The following WDR59 variants were observed in gnomAD, a reference collection of about 807,000 sequenced individuals.
WDR59 encodes the protein GATOR2 complex protein WDR59.
A neutral mutation model predicts 131.2 loss-of-function variants in WDR59; 100 were observed. That is an observed-to-expected ratio of 0.76 (90% CI 0.65 to 0.90). WDR59 has a LOEUF of 0.90. Among genes scored for constraint, WDR59 ranks in the 40% least tolerant of loss-of-function variants. The probability of loss-of-function intolerance (pLI) is 0.00; values close to 1 mark genes in which losing one functional copy is unlikely to be tolerated. For synonymous variants in WDR59, 601 were observed against 466.2 expected (o/e 1.29, Z -3.72); for missense variants, 1,203 against 1,262.2 (o/e 0.95, Z 0.71).
chr16:74,897,477 G>A (rs1965352529), intron 18 of WDR59, among the ~76,000 whole-genome samples: 2 of 152,246 alleles, frequency 1.3e-5, no homozygotes, highest in Non-Finnish European at 2.9e-5. Flanking sequence ...AATATAGACA[G>A]TGGTCTTTGC....
chr16:74,922,010 C>G lies in WDR59; in HGVS notation c.823G>C (p.Val275Leu), dbSNP rs560723157. 6.2e-6 allele frequency: 10 copies of G among 1,614,176 alleles called. No homozygotes were observed. The East Asian group carries it at 1.1e-4, about 18-fold the overall frequency. The change falls in exon 10 of 26, where the codon GTC becomes CTC. Residue 275 changes from valine to leucine, a missense_variant. Physicochemically the swap from Val to Leu is conservative, Grantham distance 32. Transcript: ENST00000262144. The part of the protein sequence containing the change: ...LWNVFDLNTP[V>L]HTFVGHDDVV... ...TCATCATGCCCCACGAAGGTGTGGA[C>G]TGGGGTGTTCAAGTCAAAGACATTC... is the stretch of plus-strand genomic sequence containing the variant.
chr16:74,880,355 G>A (rs952142322), intron 25 of WDR59, among the ~76,000 whole-genome samples: 1 of 152,142 alleles, frequency 6.6e-6, no homozygotes, highest in Non-Finnish European at 1.5e-5. Flanking sequence ...GCTGAGACAG[G>A]AGAATGGCGT....
chr16:74,924,998 G>A (rs2030634470), intron 8 of WDR59, among the ~76,000 whole-genome samples: 1 of 152,046 alleles, frequency 6.6e-6, no homozygotes, highest in Non-Finnish European at 1.5e-5. Context: ...AACTGCCCTA[G>A]GAAATTGAAA....
chr16:74,915,815 C>T, intron 13 of WDR59, 55 bp downstream of exon 13: 1 of 1,609,870 alleles, frequency 6.2e-7, no homozygotes, highest in Non-Finnish European at 8.5e-7. Context: ...AAATGGTTCC[C>T]TCTCCCACAA....
intron 1 of WDR59, among the ~76,000 whole-genome samples, chr16:74,976,732 A>C (rs572985338): frequency 1.3e-5 from 2 of 152,158 alleles, no homozygotes; most frequent in Non-Finnish European, 2.9e-5. Context: ...TGAGCGACCA[A>C]GCCCGGCCTA....
chr16:74,885,615 T>C lies in WDR59; in HGVS notation c.2689+38A>G, dbSNP rs1964716099. The C allele has an allele frequency of 2.5e-6, 4 of 1,608,226 alleles. No individual in the cohort carries two copies. In the South Asian group the frequency reaches 3.3e-5, roughly 13 times the overall value. On this transcript the variant is annotated intron_variant, in intron 25 of 25. Coordinates refer to ENST00000262144, the MANE Select transcript of WDR59 (RefSeq NM_030581.4). ...TGGACATATTAAATTACAGGATCTT[T>C]CAGACAGTGAAAGGAAGAGAGAGAA...
At chr16:74,880,926 C>T (rs1964449411) in intron 25 of WDR59, among the ~76,000 whole-genome samples, 1 of 152,112 alleles carries the variant, frequency 6.6e-6, no homozygotes, top group Admixed American at 6.6e-5. Context: ...ATAAAACTGG[C>T]CAAATAAATA....
intron 19 of WDR59, among the ~76,000 whole-genome samples, chr16:74,893,236 G>A (rs867376826): frequency 6.6e-6 from 1 of 152,118 alleles, no homozygotes; most frequent in African/African-American, 2.4e-5. Flanking sequence ...TCCTGGGTGG[G>A]GCTGACCTCA....
intron 25 of WDR59, among the ~76,000 whole-genome samples, chr16:74,885,448 C>CAAAAAAAAAAAA (rs397855343): frequency 1.6e-5 from 1 of 62,382 alleles, no homozygotes; most frequent in Non-Finnish European, 2.8e-5. Flanking sequence ...GATTCCATCT[C>CAAAAAAAAAAAA]AAAAAAAAAA....
intron 25 of WDR59, among the ~76,000 whole-genome samples, chr16:74,879,942 T>G (rs72796689): frequency 0.065 from 9,852 of 152,180 alleles, 373 homozygotes; most frequent in South Asian, 0.092. Flanking sequence ...TCCCAGCACT[T>G]TGGGAGGCTG....
At chr16:74,950,141 A>G (rs1308804587) in intron 4 of WDR59, among the ~76,000 whole-genome samples, 2 of 152,152 alleles carry the variant, frequency 1.3e-5, no homozygotes, top group African/African-American at 4.8e-5. Context: ...CACAAGTTCG[A>G]GACCAGCCTG....
intron 18 of WDR59, among the ~76,000 whole-genome samples, chr16:74,896,193 G>A (rs935567116): frequency 2.6e-5 from 4 of 152,182 alleles, no homozygotes; most frequent in African/African-American, 7.2e-5. Flanking sequence ...CACCGATCCA[G>A]GCAGTCACTC....
At chr16:74,899,830 A>C in intron 18 of WDR59, 1 of 1,076,072 alleles carries the variant, frequency 9.3e-7, no homozygotes, top group Non-Finnish European at 1.3e-6. Flanking sequence ...ATATAGAATA[A>C]AATGAAAGCT....
chr16:74,888,031 T>C (rs148258702), intron 22 of WDR59, 138 bp downstream of exon 22: 31 of 1,144,800 alleles, frequency 2.7e-5, no homozygotes, highest in Middle Eastern at 5.0e-4. Context: ...GGCACGAGAA[T>C]TGCTTGAACC....
At chr16:74,896,077 A>AG (rs1294783227) in intron 18 of WDR59, among the ~76,000 whole-genome samples, 1 of 151,604 alleles carries the variant, frequency 6.6e-6, no homozygotes, top group East Asian at 1.9e-4. Context: ...AGTGAGACTC[A>AG]GGGCACTGGA....
At chr16:74,897,320 CT>C (rs1352694979) in intron 18 of WDR59, among the ~76,000 whole-genome samples, 1 of 152,124 alleles carries the variant, frequency 6.6e-6, no homozygotes, top group East Asian at 1.9e-4. Flanking sequence ...AGTGTTTAGG[CT>C]TTGGGGTTTG....
At chr16:74,925,090 T>C (rs1435140905) in intron 8 of WDR59, among the ~76,000 whole-genome samples, 1 of 152,178 alleles carries the variant, frequency 6.6e-6, no homozygotes, top group East Asian at 1.9e-4. Context: ...ATGGTCCAAA[T>C]GTCCTTAAAT....
chr16:74,917,799 A>C, intron 11 of WDR59, 130 bp downstream of exon 11: 20 of 673,280 alleles, frequency 3.0e-5, no homozygotes, highest in South Asian at 3.9e-5. Flanking sequence ...ATTCAGTGAG[A>C]CGCACTCTCA....
intron 1 of WDR59, 43 bp downstream of exon 1, chr16:74,984,921 G>A (rs1325990630): frequency 1.3e-6 from 2 of 1,592,190 alleles, no homozygotes; most frequent in South Asian, 2.3e-5. Context: ...GGGGAAGCGG[G>A]GAGGACGCAT....
Sources: allele counts gnomAD v4.1 joint callset (sites outside exome capture counted in the v4.1 genomes callset), GRCh38; gene constraint gnomAD v4.1.1; transcripts MANE v1.5; gene names NCBI Gene and HGNC (gene_info 2026-07-23, HGNC 2026-07-21).